Variants in THSD7B observed in about 807,000 individuals in gnomAD.
THSD7B encodes the protein thrombospondin type 1 domain containing 7B.
Under a neutral mutation model 213.6 loss-of-function variants are expected in THSD7B, and 138 were observed. That is an observed-to-expected ratio of 0.65 (90% CI 0.56 to 0.74). The LOEUF is 0.74. THSD7B is among the 30% of genes least tolerant of loss of function. THSD7B has a pLI of 0.00. For synonymous variants in THSD7B, 742 were observed against 687.0 expected (o/e 1.08, Z -1.25); for missense variants, 1,931 against 1,991.5 (o/e 0.97, Z 0.58).
At chr2:137,608,547 T>C (rs1426778487) in intron 17 of THSD7B, among the ~76,000 whole-genome samples, 1 of 152,176 alleles carries the variant, frequency 6.6e-6, no homozygotes, top group East Asian at 1.9e-4. Context: ...ACAAGGATAT[T>C]AAAAGTACAC....
At position 137,174,010 on chromosome 2, in the gene THSD7B, T is replaced by C. The variant is rs1297742809; in HGVS notation, c.1723+3072T>C. 2.6e-5 allele frequency among the ~76,000 whole-genome samples: 4 copies of C among 152,216 alleles called. No individual in the cohort carries two copies. In the South Asian group the frequency reaches 8.3e-4, roughly 31 times the overall value. On this transcript the variant is annotated intron_variant, in intron 7 of 27. Coordinates refer to ENST00000409968, the MANE Select transcript of THSD7B (RefSeq NM_001316349.2). Reference sequence around the variant, plus strand: ...CACTCTTGGTTTATTAATTGCTTCATAGACACTTTCTTTCAGAATTTGTTT... The same window carrying C: ...CACTCTTGGTTTATTAATTGCTTCACAGACACTTTCTTTCAGAATTTGTTT...
intron 2 of THSD7B, among the ~76,000 whole-genome samples, chr2:136,950,014 G>A (rs1218547082): frequency 6.6e-6 from 1 of 152,240 alleles, no homozygotes; most frequent in Non-Finnish European, 1.5e-5. Flanking sequence ...AGCACTTTGG[G>A]AGGCCGAGGT....
chr2:137,396,838 C>G (rs1043494043), intron 12 of THSD7B, among the ~76,000 whole-genome samples: 2 of 151,776 alleles, frequency 1.3e-5, no homozygotes, highest in Admixed American at 1.3e-4. Flanking sequence ...CTTTATGAAT[C>G]TGGGTGCTCC....
At chr2:137,661,934 G>C (rs757557340) in intron 25 of THSD7B, among the ~76,000 whole-genome samples, 12 of 152,106 alleles carry the variant, frequency 7.9e-5, no homozygotes, top group Non-Finnish European at 1.8e-4. Flanking sequence ...TGTGTTCCTA[G>C]AGGAAGATCA....
At chr2:136,998,863 C>T (rs2104822995) in intron 2 of THSD7B, among the ~76,000 whole-genome samples, 1 of 150,388 alleles carries the variant, frequency 6.6e-6, no homozygotes, top group East Asian at 2.0e-4. Flanking sequence ...TAATTAGTGG[C>T]ATGCTTTTTA....
chr2:137,465,322 C>T (rs1321013128), intron 15 of THSD7B, among the ~76,000 whole-genome samples: 1 of 151,698 alleles, frequency 6.6e-6, no homozygotes, highest in African/African-American at 2.4e-5. Flanking sequence ...GAATAAAAGA[C>T]AGTTCAAGTT....
intron 12 of THSD7B, among the ~76,000 whole-genome samples, chr2:137,403,354 C>A (rs971157279): frequency 4.6e-5 from 7 of 152,138 alleles, no homozygotes; most frequent in Non-Finnish European, 1.0e-4. Context: ...GAATAAAGAA[C>A]TGAATTCAGA....
At chr2:136,782,174 G>C (rs763749982) in intron 1 of THSD7B, among the ~76,000 whole-genome samples, 1 of 152,328 alleles carries the variant, frequency 6.6e-6, no homozygotes, top group South Asian at 2.1e-4. Context: ...AAAATCTGCA[G>C]CTTGTGAGTT....
chr2:136,897,754 T>G (rs1289691353), intron 2 of THSD7B, among the ~76,000 whole-genome samples: 2 of 152,036 alleles, frequency 1.3e-5, no homozygotes, highest in African/African-American at 4.8e-5. Flanking sequence ...TTACAAACCT[T>G]TAGCTAGACA....
intron 1 of THSD7B, among the ~76,000 whole-genome samples, chr2:136,830,411 C>CTATGAA (rs58244257): frequency 0.99 from 150,180 of 152,140 alleles, 74,165 homozygotes; most frequent in East Asian, 1. Context: ...CCCAGTGATC[C>CTATGAA]TATGTTTTTC....
intron 10 of THSD7B, among the ~76,000 whole-genome samples, chr2:137,266,167 G>GA (rs1408668165): frequency 6.6e-6 from 1 of 152,162 alleles, no homozygotes; most frequent in African/African-American, 2.4e-5. Context: ...ACGTGCTAGA[G>GA]AAAATTCCTT....
At chr2:137,568,677 T>G (rs1007695642) in intron 16 of THSD7B, among the ~76,000 whole-genome samples, 1 of 152,094 alleles carries the variant, frequency 6.6e-6, no homozygotes, top group Non-Finnish European at 1.5e-5. Context: ...CAGGAAAAAC[T>G]GCCATTTATA....
At chr2:136,918,455 C>A (rs992151823) in intron 2 of THSD7B, among the ~76,000 whole-genome samples, 1 of 152,206 alleles carries the variant, frequency 6.6e-6, no homozygotes, top group African/African-American at 2.4e-5. Flanking sequence ...TATATCTATT[C>A]TTCCCTTTGC....
chr2:137,553,680 T>C (rs1359189340), intron 15 of THSD7B, among the ~76,000 whole-genome samples: 2 of 152,182 alleles, frequency 1.3e-5, no homozygotes, highest in East Asian at 3.9e-4. Context: ...AACCTTGTTA[T>C]TTTTTCCCTA....
intron 27 of THSD7B, among the ~76,000 whole-genome samples, chr2:137,670,387 T>TCAA (rs1344814073): frequency 5.3e-5 from 8 of 152,198 alleles, no homozygotes; most frequent in Admixed American, 4.6e-4. Flanking sequence ...CTTTCAAATT[T>TCAA]ATCTGCTACT....
chr2:137,620,438 A>G (rs1208121983), intron 19 of THSD7B, among the ~76,000 whole-genome samples, 171 bp from the exon 20 acceptor site: 1 of 152,206 alleles, frequency 6.6e-6, no homozygotes, highest in Non-Finnish European at 1.5e-5. Context: ...TAATTAAAGG[A>G]CAATCATTTT....
Position 137,070,299 on chromosome 2 carries a change from T to A in THSD7B, c.950+13069T>A, listed in dbSNP as rs1414013402. 2.6e-5 allele frequency among the ~76,000 whole-genome samples: 4 copies of A among 152,074 alleles called. No individual in the cohort carries two copies. The East Asian group carries it at 7.7e-4, about 29-fold the overall frequency. On this transcript the variant is annotated intron_variant, in intron 3 of 27. Coordinates refer to ENST00000409968, the MANE Select transcript of THSD7B (RefSeq NM_001316349.2). ...GGTCTTTTTCATTCTTTTTTTACAG[T>A]TGCATAGTACTTCATTGTGTGTGTG...
At chr2:137,002,037 C>T (rs1686009485) in intron 2 of THSD7B, among the ~76,000 whole-genome samples, 1 of 152,110 alleles carries the variant, frequency 6.6e-6, no homozygotes, top group African/African-American at 2.4e-5. Context: ...TTATTTCTCT[C>T]TGACTGAGTC....
intron 21 of THSD7B, among the ~76,000 whole-genome samples, chr2:137,652,156 C>T (rs1683151839): frequency 6.6e-6 from 1 of 152,004 alleles, no homozygotes; most frequent in South Asian, 2.1e-4. Context: ...TTGAAATGTT[C>T]TACTATTATT....
Sources: allele counts gnomAD v4.1 joint callset (sites outside exome capture counted in the v4.1 genomes callset), GRCh38; gene constraint gnomAD v4.1.1; transcripts MANE v1.5; gene names NCBI Gene and HGNC (gene_info 2026-07-23, HGNC 2026-07-21).